The following CTCF variants were observed in gnomAD, a reference collection of about 807,000 sequenced individuals.
The protein encoded by CTCF is transcriptional repressor CTCF.
A neutral mutation model predicts 72.3 loss-of-function variants in CTCF; 7 were observed. The observed-to-expected ratio is 0.10, with a 90% CI of 0.06 to 0.18. The LOEUF is 0.18. Among genes scored for constraint, CTCF ranks in the 10% least tolerant of loss-of-function variants. CTCF has a pLI of 1.00. For synonymous variants in CTCF, 374 were observed against 315.8 expected, an observed-to-expected ratio of 1.18 and a Z score of -1.95; for missense variants, 516 against 949.1, an observed-to-expected ratio of 0.54 and a Z score of 6.00.
intron 2 of CTCF, among the ~76,000 whole-genome samples, chr16:67,577,468 C>G (rs1219618187): frequency 6.7e-6 from 1 of 149,070 alleles, no homozygotes; most frequent in Non-Finnish European, 1.5e-5. Context: ...GATGGAGTCT[C>G]GCTCTGTTGC....
chr16:67,629,261 A>G (rs1597727298), intron 9 of CTCF, 137 bp from the exon 10 acceptor site: 1 of 749,066 alleles, frequency 1.3e-6, no homozygotes, highest in East Asian at 2.8e-5. Flanking sequence ...TCCCCTGAGC[A>G]GAGACAGCGT....
intron 2 of CTCF, among the ~76,000 whole-genome samples, chr16:67,590,504 T>A (rs1327423837): frequency 6.6e-6 from 1 of 151,998 alleles, no homozygotes; most frequent in Admixed American, 6.6e-5. Context: ...TATAATTTTT[T>A]ATTTTTATTT....
intron 10 of CTCF, among the ~76,000 whole-genome samples, chr16:67,632,202 T>C (rs1322143814): frequency 6.6e-6 from 1 of 152,180 alleles, no homozygotes; most frequent in Non-Finnish European, 1.5e-5. Context: ...TAGTTGTTCT[T>C]AGTTGCAAAG....
chr16:67,599,735 T>C (rs907059308), intron 2 of CTCF, among the ~76,000 whole-genome samples: 1 of 152,218 alleles, frequency 6.6e-6, no homozygotes, highest in Non-Finnish European at 1.5e-5. Flanking sequence ...TTTATGGTGA[T>C]ACCACAGTCC....
chr16:67,610,708 A>G (rs1419341862), intron 2 of CTCF, 116 bp from the exon 3 acceptor site: 3 of 701,964 alleles, frequency 4.3e-6, no homozygotes, highest in Non-Finnish European at 6.4e-6. Context: ...CTTTTTTAAT[A>G]TTAACAACCA....
intron 2 of CTCF, among the ~76,000 whole-genome samples, chr16:67,606,764 T>TG (rs2051978781): frequency 6.7e-6 from 1 of 149,440 alleles, no homozygotes; most frequent in African/African-American, 2.5e-5. Flanking sequence ...GGGTTTTTTT[T>TG]TTTTTTTTTT....
intron 2 of CTCF, among the ~76,000 whole-genome samples, chr16:67,579,755 C>T (rs2142738004): frequency 6.6e-6 from 1 of 152,278 alleles, no homozygotes; most frequent in East Asian, 1.9e-4. Flanking sequence ...CTTATATACA[C>T]ATCTTTAGGC....
At chr16:67,626,223 A>G (rs2052285486) in intron 7 of CTCF, among the ~76,000 whole-genome samples, 1 of 151,946 alleles carries the variant, frequency 6.6e-6, no homozygotes, top group Non-Finnish European at 1.5e-5. Context: ...GCAGATCACG[A>G]GGTCAGGAGA....
chr16:67,612,430 A>C, intron 4 of CTCF: 1 of 189,180 alleles, frequency 5.3e-6, no homozygotes, highest in South Asian at 1.0e-4. Flanking sequence ...CTCTACTAAA[A>C]ATACAAAAAA....
intron 4 of CTCF, among the ~76,000 whole-genome samples, chr16:67,612,755 A>G (rs1246209140): frequency 6.6e-6 from 1 of 151,684 alleles, no homozygotes; most frequent in Non-Finnish European, 1.5e-5. Context: ...CAACGTGACA[A>G]AATCACATCC....
rs756082628 is a variant in CTCF, at chr16:67,598,079, C to T, written c.-9-12745C>T. ...ATAGCCTTAACCTCCTGGGCTCAGGCGATCCTCCCAGCTTAGCCTCCAGGT... is the reference window on the plus strand; with the variant it reads ...ATAGCCTTAACCTCCTGGGCTCAGGTGATCCTCCCAGCTTAGCCTCCAGGT... On this transcript the variant is annotated intron_variant, in intron 2 of 11. Transcript: ENST00000264010. 7.9e-5 allele frequency among the ~76,000 whole-genome samples: 12 copies of T among 152,008 alleles called. No homozygotes were observed. In the South Asian group the frequency reaches 8.3e-4, roughly 10 times the overall value.
At chr16:67,587,702 T>C (rs2051686347) in intron 2 of CTCF, among the ~76,000 whole-genome samples, 1 of 151,978 alleles carries the variant, frequency 6.6e-6, no homozygotes, top group African/African-American at 2.4e-5. Flanking sequence ...GGCAGGAGGA[T>C]AGCTTGAGCC....
intron 2 of CTCF, among the ~76,000 whole-genome samples, chr16:67,598,776 C>G (rs2051847896): frequency 6.6e-6 from 1 of 152,244 alleles, no homozygotes; most frequent in South Asian, 2.1e-4. Context: ...TTCTGATGGT[C>G]TGGCATAATT....
In CTCF at chr16:67,621,474, G is replaced by T. The variant is rs779815221; in HGVS notation, c.1240G>T (p.Ala414Ser). 3 of 1,609,624 alleles carry T rather than the reference G, an allele frequency of 1.9e-6. No individual in the cohort carries two copies. Among genetic ancestry groups the T allele is most frequent in the Non-Finnish European group, 2.6e-6 (3 of 1,176,196 alleles). The part of the protein sequence containing the change: ...EKPYECYICH[A>S]RFTQSGTMKM... ...GCCTTATGAATGTTATATTTGTCAT[G>T]CTCGGTTTACCCAAAGTGGTACCAT... Residue 414 changes from alanine (A) to serine (S), a missense_variant, in exon 7 of 12, where the codon GCT becomes TCT. Physicochemically the swap from Ala to Ser is moderately conservative, Grantham distance 99 (BLOSUM62 1). Around this residue, in one of 7 missense-constraint regions of CTCF, gnomAD observed 70 missense variants for 290.1 expected, o/e 0.24. Transcript: ENST00000264010.
intron 1 of CTCF, among the ~76,000 whole-genome samples, chr16:67,565,436 T>A (rs2051330515): frequency 6.6e-6 from 1 of 151,876 alleles, no homozygotes; most frequent in Non-Finnish European, 1.5e-5. Flanking sequence ...GCACTTTGGG[T>A]GACCAAGGCG....
intron 2 of CTCF, among the ~76,000 whole-genome samples, chr16:67,603,255 G>A (rs1390963766): frequency 1.3e-5 from 2 of 152,094 alleles, no homozygotes; most frequent in Non-Finnish European, 2.9e-5. Flanking sequence ...ATTAGGCCGG[G>A]CGCAGTGGCT....
chr16:67,576,794 T>C (rs1056611262), intron 2 of CTCF, among the ~76,000 whole-genome samples: 2 of 152,138 alleles, frequency 1.3e-5, no homozygotes, highest in African/African-American at 2.4e-5. Context: ...CCTCCGAAAG[T>C]GCTGGGATTA....
intron 8 of CTCF, 120 bp from the exon 9 acceptor site, chr16:67,628,250 C>T (rs1275280965): frequency 1.0e-5 from 8 of 797,676 alleles, no homozygotes; most frequent in African/African-American, 5.2e-5. Context: ...CTCAACAAGC[C>T]GTGTGGAGTC....
intron 1 of CTCF, among the ~76,000 whole-genome samples, chr16:67,566,515 TAAAA>T (rs377253111): frequency 2.4e-4 from 18 of 76,228 alleles, no homozygotes; most frequent in East Asian, 2.1e-3. Flanking sequence ...GTCTCAAAAT[TAAAA>T]AAAAAAAAAA....
Sources: allele counts gnomAD v4.1 joint callset (sites outside exome capture counted in the v4.1 genomes callset), GRCh38; gene constraint gnomAD v4.1.1; regional missense constraint gnomAD v4.1.1; transcripts MANE v1.5; gene names NCBI Gene and HGNC (gene_info 2026-07-23, HGNC 2026-07-21).